TBX15: variants seen among roughly 807,000 people sequenced by gnomAD.
TBX15 encodes the protein T-box transcription factor TBX15.
Under a neutral mutation model 53.9 loss-of-function variants are expected in TBX15, and 18 were observed. The ratio of observed to expected loss-of-function variants is 0.33; its 90% CI spans 0.23 to 0.49. The LOEUF (loss-of-function observed/expected upper bound fraction) is 0.49, where lower values mean the gene tolerates loss of function less well. TBX15 is among the 20% of genes least tolerant of loss of function. The pLI is 0.98. For synonymous variants in TBX15, 295 were observed against 278.0 expected, an observed-to-expected ratio of 1.06 and a Z score of -0.61; for missense variants, 692 against 749.5, an observed-to-expected ratio of 0.92 and a Z score of 0.90.
Position 118,899,055 on chromosome 1 carries a change from C to T in TBX15, c.997G>A (p.Asp333Asn), listed in dbSNP as rs763281470. 1.1e-5 allele frequency: 17 copies of T among 1,613,466 alleles called. No homozygotes were observed. The highest frequency in any genetic ancestry group is 1.3e-5 in the African/African-American group (1 of 74,876). ...RPPVRTLTFE[D>N]FTTMQKQQGG... ...TGCTGCTTCTGCATGGTGGTGAAGT[C>T]TTCGAAGGTGAGTGTGCGCACAGGA... is the stretch of plus-strand genomic sequence containing the variant. Residue 333 changes from aspartate to asparagine, a missense_variant, in exon 7 of 8, where the codon GAC becomes AAC. Physicochemically the swap from Asp to Asn is conservative, Grantham distance 23 (BLOSUM62 1). Transcript: ENST00000369429.
intron 1 of TBX15, among the ~76,000 whole-genome samples, chr1:118,973,928 T>C (rs1657334766): frequency 6.6e-6 from 1 of 152,362 alleles, no homozygotes; most frequent in East Asian, 1.9e-4. Flanking sequence ...CTCTGTGTTG[T>C]CACAGTCTAA....
intron 1 of TBX15, among the ~76,000 whole-genome samples, chr1:118,961,819 A>G (rs557511502): frequency 1.3e-5 from 2 of 152,290 alleles, no homozygotes; most frequent in African/African-American, 4.8e-5. Flanking sequence ...AAAGATGATT[A>G]AGGCACTATC....
chr1:118,937,507 A>G (rs1445912295), intron 1 of TBX15, among the ~76,000 whole-genome samples: 1 of 152,180 alleles, frequency 6.6e-6, no homozygotes, highest in African/African-American at 2.4e-5. Context: ...TGAATTCCAT[A>G]AGCTCAGTTT....
intron 5 of TBX15, among the ~76,000 whole-genome samples, chr1:118,921,197 A>C (rs1395018426): frequency 6.6e-6 from 1 of 152,112 alleles, no homozygotes; most frequent in East Asian, 1.9e-4. Flanking sequence ...AACAAACAAA[A>C]AAATAAAAAC....
intron 5 of TBX15, among the ~76,000 whole-genome samples, chr1:118,918,553 T>A (rs1655322861): frequency 6.6e-6 from 1 of 152,230 alleles, no homozygotes. Flanking sequence ...CTAGTCTACA[T>A]GTCCAAACTT....
At chr1:118,979,143 T>C (rs114373804) in intron 1 of TBX15, among the ~76,000 whole-genome samples, 1,658 of 152,342 alleles carry the variant, frequency 0.011, 21 homozygotes, top group African/African-American at 0.038. Flanking sequence ...AAGAACGCAG[T>C]TATTTCAGCT....
intron 6 of TBX15, among the ~76,000 whole-genome samples, chr1:118,905,337 C>T (rs1383915435): frequency 2.0e-5 from 3 of 152,220 alleles, no homozygotes; most frequent in Admixed American, 1.3e-4. Context: ...ATGACACCAT[C>T]CCTGGGCAAA....
intron 7 of TBX15, among the ~76,000 whole-genome samples, chr1:118,894,402 G>T (rs1479918065): frequency 1.2e-4 from 18 of 152,162 alleles, no homozygotes; most frequent in Admixed American, 1.1e-3. Flanking sequence ...CAATGTTAAG[G>T]AATATGTCTT....
intron 1 of TBX15, among the ~76,000 whole-genome samples, chr1:118,987,300 T>A (rs1029705972): frequency 5.3e-5 from 8 of 152,138 alleles, no homozygotes; most frequent in African/African-American, 1.9e-4. Flanking sequence ...CGGCAGCCCT[T>A]CATCCACGGA....
intron 5 of TBX15, among the ~76,000 whole-genome samples, chr1:118,915,925 A>C (rs1655204708): frequency 6.6e-6 from 1 of 152,246 alleles, no homozygotes; most frequent in Non-Finnish European, 1.5e-5. Flanking sequence ...TCCCAGGCCA[A>C]TGGGTATGCA....
At chr1:118,966,726 T>C (rs1189953680) in intron 1 of TBX15, among the ~76,000 whole-genome samples, 1 of 152,268 alleles carries the variant, frequency 6.6e-6, no homozygotes, top group Non-Finnish European at 1.5e-5. Flanking sequence ...TGTCTTCATT[T>C]GCTTTCCTGC....
intron 6 of TBX15, 32 bp from the exon 7 acceptor site, chr1:118,899,157 T>G (rs749801783): frequency 6.3e-7 from 1 of 1,596,074 alleles, no homozygotes; most frequent in Non-Finnish European, 8.6e-7. Flanking sequence ...AAGGAAGTCA[T>G]AAATAATTTC....
chr1:118,977,684 T>C (rs962564384), intron 1 of TBX15, among the ~76,000 whole-genome samples: 52 of 152,314 alleles, frequency 3.4e-4, no homozygotes, highest in Admixed American at 2.2e-3. Context: ...CCCTCCTAGG[T>C]GTATGCTGGG....
intron 2 of TBX15, among the ~76,000 whole-genome samples, chr1:118,930,636 G>A (rs576061503): frequency 1.2e-4 from 18 of 152,284 alleles, no homozygotes; most frequent in African/African-American, 3.8e-4. Flanking sequence ...GGCTTGTCTC[G>A]AACTCCTGAC....
chr1:118,977,217 C>A (rs1657463013), intron 1 of TBX15, among the ~76,000 whole-genome samples: 1 of 152,108 alleles, frequency 6.6e-6, no homozygotes, highest in South Asian at 2.1e-4. Flanking sequence ...TCATTCATTG[C>A]ACCAAATAGA....
chr1:118,924,203 C>T (rs1779436), intron 4 of TBX15, among the ~76,000 whole-genome samples: 4,213 of 152,266 alleles, frequency 0.028, 71 homozygotes, highest in South Asian at 0.061. Flanking sequence ...TAACATCACA[C>T]GCTCCAATTA....
At chr1:118,902,940 A>T (rs1466642005) in intron 6 of TBX15, among the ~76,000 whole-genome samples, 1 of 152,168 alleles carries the variant, frequency 6.6e-6, no homozygotes, top group African/African-American at 2.4e-5. Flanking sequence ...TAACGGGTGA[A>T]AAAAGCAGTC....
intron 5 of TBX15, among the ~76,000 whole-genome samples, chr1:118,918,030 A>G (rs1655305339): frequency 6.6e-6 from 1 of 152,054 alleles, no homozygotes; most frequent in South Asian, 2.1e-4. Flanking sequence ...TTGCTCTACA[A>G]CCAAATTTGA....
intron 6 of TBX15, among the ~76,000 whole-genome samples, chr1:118,911,677 C>G (rs1002349622): frequency 6.6e-6 from 1 of 152,194 alleles, no homozygotes; most frequent in Non-Finnish European, 1.5e-5. Context: ...CTTTTCTGTT[C>G]TAAATCATGC....
Sources: allele counts gnomAD v4.1 joint callset (sites outside exome capture counted in the v4.1 genomes callset), GRCh38; gene constraint gnomAD v4.1.1; transcripts MANE v1.5; gene names NCBI Gene and HGNC (gene_info 2026-07-23, HGNC 2026-07-21).